Variants in WAPL observed in about 807,000 individuals in gnomAD.
The protein encoded by WAPL is WAPL cohesin release factor.
A neutral mutation model predicts 121.0 loss-of-function variants in WAPL; 5 were observed. The observed-to-expected ratio is 0.04, with a 90% confidence interval of 0.02 to 0.09. The LOEUF (loss-of-function observed/expected upper bound fraction) is 0.09. Among genes scored for constraint, WAPL ranks in the 10% least tolerant of loss-of-function variants. WAPL has a pLI of 1.00. For missense variants in WAPL, 999 were observed against 1,410.8 expected (o/e 0.71, Z 4.68); for synonymous variants, 480 against 481.5 (o/e 1.00, Z 0.04).
chr10:86,479,749 AG>A (rs543123240), intron 4 of WAPL, among the ~76,000 whole-genome samples: 25 of 152,242 alleles, frequency 1.6e-4, no homozygotes, highest in Non-Finnish European at 3.1e-4. Context: ...ACTCTGAAGA[AG>A]TACTGCAATG....
At chr10:86,477,538 C>T (rs182321660) in intron 4 of WAPL, among the ~76,000 whole-genome samples, 1 of 152,290 alleles carries the variant, frequency 6.6e-6, no homozygotes, top group East Asian at 1.9e-4. Flanking sequence ...TACCGTGACT[C>T]ATGCCTGTAA....
At chr10:86,495,469 A>T (rs941098001) in intron 4 of WAPL, among the ~76,000 whole-genome samples, 6 of 152,154 alleles carry the variant, frequency 3.9e-5, no homozygotes, top group Admixed American at 1.3e-4. Flanking sequence ...TCTCAAAAAA[A>T]AAAGAGGAGG....
rs1239881366 is a variant in WAPL at position 86,452,055 on chromosome 10, C to T, written c.3026G>A (p.Cys1009Tyr). 1 of 1,613,988 alleles carries T rather than the reference C, an allele frequency of 6.2e-7. No individual in the cohort carries two copies. The highest frequency in any genetic ancestry group is 2.2e-5 in the East Asian group (1 of 44,898). ...RHCLVNMETSCSFDSSICSGE... is the reference protein window; with the variant it reads ...RHCLVNMETSYSFDSSICSGE... ...ACTACAGATGGAAGAATCAAAAGAG[C>T]ACGATGTTTCCATGTTGACAAGACA... Residue 1009 changes from cysteine to tyrosine, a missense_variant, in exon 15 of 19, where the codon TGC becomes TAC. This residue lies in a region of WAPL where 126 missense variants were observed against 144.0 expected (regional missense o/e 0.87). Transcript: ENST00000298767.
At chr10:86,504,059 C>A (rs923054154) in intron 2 of WAPL, among the ~76,000 whole-genome samples, 1 of 151,452 alleles carries the variant, frequency 6.6e-6, no homozygotes, top group African/African-American at 2.4e-5. Context: ...CAGTCGTCCT[C>A]GCTACTTGGG....
intron 4 of WAPL, among the ~76,000 whole-genome samples, chr10:86,475,946 C>T (rs144513070): frequency 8.8e-4 from 134 of 152,212 alleles, no homozygotes; most frequent in Middle Eastern, 3.4e-3. Context: ...GCCTCTAGGC[C>T]GAGGCAGGAA....
In WAPL at chr10:86,436,977, T is replaced by G. The variant is rs1849339483; in HGVS notation, c.*566A>C. 6.6e-6 allele frequency: 1 copy of G among 152,658 alleles called. No homozygotes were observed. Among genetic ancestry groups the G allele is most frequent in the African/African-American group, 2.4e-5 (1 of 41,452 alleles). The allele number at this position is 152,658 out of a possible 1,614,324, so 9.5% of individuals were successfully genotyped here. A position where few individuals can be genotyped will look rare whatever the true frequency, so the allele number is the denominator to read the frequency against. On this transcript the variant is annotated 3_prime_UTR_variant, in exon 19 of 19. Coordinates refer to ENST00000298767, the MANE Select transcript of WAPL (RefSeq NM_015045.5). The stretch of plus-strand genomic sequence containing the variant: ...TTTGGATTCCATCTAATTTTAAATA[T>G]AGACAGTAGTTCAGGGAACAACAAC...
chr10:86,444,204 T>C (rs1049179941), intron 16 of WAPL, among the ~76,000 whole-genome samples: 3 of 152,192 alleles, frequency 2.0e-5, no homozygotes, highest in Admixed American at 6.5e-5. Context: ...AAAATTTTCT[T>C]TTACAATACA....
intron 17 of WAPL, among the ~76,000 whole-genome samples, chr10:86,440,111 A>G (rs1258333742): frequency 1.3e-5 from 2 of 152,226 alleles, no homozygotes; most frequent in Non-Finnish European, 2.9e-5. Context: ...GACAAGATAG[A>G]TACAGGCAAA....
intron 4 of WAPL, among the ~76,000 whole-genome samples, chr10:86,496,442 T>C (rs1219954798): frequency 6.6e-6 from 1 of 152,036 alleles, no homozygotes; most frequent in African/African-American, 2.4e-5. Context: ...CCTAGGTATA[T>C]ATCCAAAAGA....
In WAPL at chr10:86,499,768, G is replaced by A; in HGVS notation, c.1475C>T (p.Pro492Leu). The change falls in exon 3 of 19, where the codon CCA (proline) becomes CTA (leucine). Residue 492 changes from proline (P) to leucine (L), a missense_variant. Pro to Leu is a moderately conservative substitution (Grantham distance 98). Transcript: ENST00000298767. ...TAPSPSLQPPPESNDNSQDSQ... is the reference protein window; with the variant it reads ...TAPSPSLQPPLESNDNSQDSQ... ...GTCCTGGGAATTATCATTGCTTTCT[G>A]GGGGAGGCTGCAAGGAGGGTGATGG... 6.2e-7 allele frequency: 1 copy of A among 1,603,170 alleles called. No individual in the cohort carries two copies. The highest frequency in any genetic ancestry group is 1.3e-5 in the African/African-American group (1 of 74,088).
intron 17 of WAPL, among the ~76,000 whole-genome samples, chr10:86,440,332 G>A (rs1849430930): frequency 6.6e-6 from 1 of 151,020 alleles, no homozygotes; most frequent in Non-Finnish European, 1.5e-5. Flanking sequence ...CTGTTGCCCA[G>A]GCTGGAATGC....
intron 9 of WAPL, 46 bp from the exon 10 acceptor site, chr10:86,461,333 A>C (rs1184568259): frequency 2.7e-6 from 4 of 1,462,862 alleles, no homozygotes; most frequent in Admixed American, 3.7e-5. Context: ...TTTAGCAATA[A>C]CTCTAGAAAT....
intron 8 of WAPL, 87 bp downstream of exon 8, chr10:86,470,905 G>A: frequency 3.9e-6 from 4 of 1,032,762 alleles, no homozygotes; most frequent in Middle Eastern, 2.2e-4. Flanking sequence ...TATATTTATA[G>A]AATATTCAGT....
In WAPL at chr10:86,435,920, A is replaced by G. The variant is rs970730002; in HGVS notation, c.*1623T>C. The G allele has an allele frequency of 6.6e-6, 1 of 152,244 alleles. No individual in the cohort carries two copies. Among genetic ancestry groups the G allele is most frequent in the Non-Finnish European group, 1.5e-5 (1 of 68,042 alleles). The allele number at this position is 152,244 out of a possible 1,614,324, so 9.4% of individuals were successfully genotyped here. Reference sequence around the variant, plus strand: ...GGTATCATTTACCAATATGTTTTTAAAAGTATTTTGCTAAGCTAGCTTTAA... The same window carrying G: ...GGTATCATTTACCAATATGTTTTTAGAAGTATTTTGCTAAGCTAGCTTTAA... On this transcript the variant is annotated 3_prime_UTR_variant, in exon 19 of 19. Transcript: ENST00000298767.
chr10:86,517,908 A>G lies in WAPL; in HGVS notation c.162T>C (p.Asp54=), dbSNP rs751031626. The G allele has an allele frequency of 5.0e-6, 8 of 1,614,136 alleles. No individual in the cohort carries two copies. The highest frequency in any genetic ancestry group is 6.8e-6 in the Non-Finnish European group (8 of 1,180,014). Reference sequence around the variant, plus strand: ...TAGGTTTCTTCGGAATTTCTTGGATATCTGGTTTGAAATTGGGCCTCTTCT... The same window carrying G: ...TAGGTTTCTTCGGAATTTCTTGGATGTCTGGTTTGAAATTGGGCCTCTTCT... ...LGQKRPNFKP[D]IQEIPKKPKV... Residue 54 remains aspartate (D), a synonymous_variant, in exon 2 of 19, where the codon GAT becomes GAC. Transcript: ENST00000298767.
Position 86,472,237 on chromosome 10 carries a change from G to A in WAPL, c.2001C>T (p.Ser667=). ...GGCAACGTGTGTTTAGAGGCTGAGT[G>A]CTCTTTAAGCCACTTAACAAGTACT... is the stretch of plus-strand genomic sequence containing the variant. ...DIEYLLSGLK[S]TQPLNTRCLS... Residue 667 remains serine, a synonymous_variant, in exon 7 of 19, where the codon AGC becomes AGT. Transcript: ENST00000298767. This position sits in a 1 kb window ranked among gnomAD's most constrained non-coding sequence, Gnocchi z 4.2. 6.3e-7 allele frequency: 1 copy of A among 1,583,874 alleles called. No individual in the cohort carries two copies. Among genetic ancestry groups the A allele is most frequent in the East Asian group, 2.3e-5 (1 of 44,370 alleles).
chr10:86,467,549 A>T lies in WAPL; in HGVS notation c.2143-43T>A, dbSNP rs753745011. 1.6e-4 allele frequency: 229 copies of T among 1,441,180 alleles called. 2 individuals carry two copies. The highest frequency in any genetic ancestry group is 1.1e-3 in the South Asian group (87 of 79,230). The allele number at this position is 1,441,180 out of a possible 1,614,324, so 89.3% of individuals were successfully genotyped here. A position where few individuals can be genotyped will look rare whatever the true frequency, so the allele number is the denominator to read the frequency against. On this transcript the variant is annotated intron_variant, in intron 8 of 18. Transcript: ENST00000298767. ...AAGAAAAGAAAAAAAACTTCATGTA[A>T]GCAACTCCTGACATCTCAGGAAATA...
chr10:86,496,756 C>A (rs1022174506), intron 4 of WAPL, among the ~76,000 whole-genome samples: 1 of 152,068 alleles, frequency 6.6e-6, no homozygotes, highest in East Asian at 1.9e-4. Context: ...GTGAAATAAA[C>A]CAGATTCATA....
Position 86,472,214 on chromosome 10 carries a change from C to T in WAPL, c.2024G>A (p.Cys675Tyr). Reference protein sequence around the residue: ...LKSTQPLNTRCLSVISLATKC... With the variant: ...LKSTQPLNTRYLSVISLATKC... ...TATAAAAATAAGATCTTACCTAAGGCAACGTGTGTTTAGAGGCTGAGTGCT... is the reference window on the plus strand; with the variant it reads ...TATAAAAATAAGATCTTACCTAAGGTAACGTGTGTTTAGAGGCTGAGTGCT... The change falls in exon 7 of 19, where the codon TGC (cysteine) becomes TAC (tyrosine). Residue 675 changes from cysteine to tyrosine, a missense_variant. Transcript: ENST00000298767. This position sits in a 1 kb window ranked among gnomAD's most constrained non-coding sequence, Gnocchi z 4.2. The T allele has an allele frequency of 6.4e-7, 1 of 1,563,274 alleles. No individual in the cohort carries two copies. Among genetic ancestry groups the T allele is most frequent in the Non-Finnish European group, 8.6e-7 (1 of 1,162,924 alleles).
Sources: gnomAD v4.1 joint callset for allele counts (sites outside exome capture counted in the v4.1 genomes callset) on GRCh38, gnomAD v4.1.1 for gene constraint, gnomAD v4.1.1 regional missense constraint, Gnocchi (gnomAD v3.1) non-coding constraint, MANE v1.5 for transcripts, NCBI Gene and HGNC (gene_info 2026-07-23, HGNC 2026-07-21) for gene names.